CTSC: variants seen among roughly 807,000 people sequenced by gnomAD.
CTSC encodes dipeptidyl peptidase 1.
A neutral mutation model predicts 40.9 loss-of-function variants in CTSC; 37 were observed. The observed-to-expected ratio is 0.91, with a 90% CI of 0.70 to 1.19. The LOEUF (loss-of-function observed/expected upper bound fraction) is 1.19. Ranked by LOEUF, CTSC falls within the 50% of genes most tolerant of loss-of-function variation. CTSC has a pLI of 0.00. For synonymous variants in CTSC, 232 were observed against 207.4 expected (o/e 1.12, Z -1.02); for missense variants, 594 against 567.3 (o/e 1.05, Z -0.48).
chr11:88,306,557 G>C (rs1405224689), intron 4 of CTSC, among the ~76,000 whole-genome samples: 1 of 152,126 alleles, frequency 6.6e-6, no homozygotes, highest in African/African-American at 2.4e-5. Flanking sequence ...CAGCACAGCA[G>C]AAAAGGAGGG....
intron 2 of CTSC, chr11:88,334,634 T>G: frequency 3.1e-6 from 1 of 322,580 alleles, no homozygotes; most frequent in Non-Finnish European, 5.8e-6. Context: ...ATGGCAACAT[T>G]TAGAAATAAA....
At chr11:88,315,598 T>C (rs1207041683) in intron 2 of CTSC, among the ~76,000 whole-genome samples, 1 of 151,630 alleles carries the variant, frequency 6.6e-6, no homozygotes, top group African/African-American at 2.4e-5. Context: ...AGAGATTTCA[T>C]ACTTTATAAA....
At chr11:88,332,190 TTGAG>T (rs1938379622) in intron 2 of CTSC, among the ~76,000 whole-genome samples, 1 of 152,284 alleles carries the variant, frequency 6.6e-6, no homozygotes, top group East Asian at 1.9e-4. Context: ...TGGCAGTAGG[TTGAG>T]TATGTTTTCG....
intron 2 of CTSC, among the ~76,000 whole-genome samples, chr11:88,316,475 C>CTAAATAAATAAATAAATAAATAAATAAA (rs4002985): frequency 1.1e-4 from 16 of 145,022 alleles, no homozygotes; most frequent in African/African-American, 1.5e-4. Context: ...GATCCATTCT[C>CTAAATAAATAAATAAATAAATAAATAAA]TAAATAAATA....
At chr11:88,318,448 C>A (rs1465499031) in intron 2 of CTSC, among the ~76,000 whole-genome samples, 2 of 152,276 alleles carry the variant, frequency 1.3e-5, no homozygotes, top group African/African-American at 4.8e-5. Context: ...ACTAACATTA[C>A]CATCATTACC....
chr11:88,315,502 C>A (rs934268903), intron 2 of CTSC, among the ~76,000 whole-genome samples: 1 of 152,144 alleles, frequency 6.6e-6, no homozygotes, highest in African/African-American at 2.4e-5. Flanking sequence ...GAGAAGACTG[C>A]CTATTTCTAT....
chr11:88,337,300 GAGTTAGA>G (rs1938525298), intron 1 of CTSC, among the ~76,000 whole-genome samples, 194 bp downstream of exon 1: 1 of 152,196 alleles, frequency 6.6e-6, no homozygotes, highest in African/African-American at 2.4e-5. Flanking sequence ...AGAAAGTGTG[GAGTTAGA>G]AGTTCTCAGC....
At chr11:88,312,330 C>T (rs769481370) in intron 3 of CTSC, 58 bp downstream of exon 3, 260 of 1,533,828 alleles carry the variant, frequency 1.7e-4, no homozygotes, top group Middle Eastern at 1.7e-4. Context: ...AATGTACACA[C>T]ATATTCATAT....
chr11:88,305,336 A>G (rs947138367), intron 4 of CTSC, among the ~76,000 whole-genome samples: 1 of 152,170 alleles, frequency 6.6e-6, no homozygotes, highest in African/African-American at 2.4e-5. Flanking sequence ...TTCTTGCACA[A>G]GATCCAAGAG....
intron 2 of CTSC, chr11:88,325,905 C>A: frequency 1.0e-6 from 1 of 989,304 alleles, no homozygotes; most frequent in Non-Finnish European, 1.2e-6. Flanking sequence ...CTTATTTTCT[C>A]CTTACAACAG....
At chr11:88,314,062 T>C (rs1014351439) in intron 2 of CTSC, among the ~76,000 whole-genome samples, 1 of 152,150 alleles carries the variant, frequency 6.6e-6, no homozygotes, top group Non-Finnish European at 1.5e-5. Flanking sequence ...GCTCCAGAGG[T>C]TGTAGTTTGT....
intron 2 of CTSC, chr11:88,324,404 A>AAG: frequency 1.0e-6 from 1 of 983,696 alleles, no homozygotes; most frequent in Non-Finnish European, 1.2e-6. Flanking sequence ...CAATTCTTTT[A>AAG]AAACTCTGCA....
At chr11:88,310,394 T>C (rs1188668456) in intron 3 of CTSC, among the ~76,000 whole-genome samples, 5 of 152,150 alleles carry the variant, frequency 3.3e-5, no homozygotes, top group African/African-American at 9.7e-5. Flanking sequence ...CTAGGAATTA[T>C]AGAACTCACC....
At chr11:88,337,040 C>CA (rs1938514681) in intron 1 of CTSC, among the ~76,000 whole-genome samples, 1 of 131,798 alleles carries the variant, frequency 7.6e-6, no homozygotes. Flanking sequence ...AATCGCTGGG[C>CA]AGAAAGTCCC....
At chr11:88,300,134 A>G (rs749719265) in intron 5 of CTSC, among the ~76,000 whole-genome samples, 1 of 152,178 alleles carries the variant, frequency 6.6e-6, no homozygotes, top group South Asian at 2.1e-4. Context: ...TGACTAAATT[A>G]ATGGGGGTGG....
chr11:88,321,675 TC>T (rs1938017541), intron 2 of CTSC: 1 of 152,236 alleles, frequency 6.6e-6, no homozygotes. Flanking sequence ...CTTTTTCCAG[TC>T]TATCACTGAT....
chr11:88,306,600 C>T (rs905564520), intron 4 of CTSC, among the ~76,000 whole-genome samples: 2 of 152,166 alleles, frequency 1.3e-5, no homozygotes, highest in African/African-American at 4.8e-5. Context: ...AGAACAGGAA[C>T]AAGTGGACTC....
chr11:88,322,795 A>C (rs1938059876), intron 2 of CTSC: 1 of 152,220 alleles, frequency 6.6e-6, no homozygotes, highest in African/African-American at 2.4e-5. Context: ...CTAATGAAAA[A>C]AAGTCCAGGA....
Position 88,294,083 on chromosome 11 carries a change from A to G in CTSC, c.1315T>C (p.Phe439Leu). The G allele has an allele frequency of 6.2e-7, 1 of 1,614,044 alleles. No homozygotes were observed. The highest frequency in any genetic ancestry group is 8.5e-7 in the Non-Finnish European group (1 of 1,180,032). The change falls in exon 7 of 7, where the codon TTC (phenylalanine) becomes CTC (leucine). Residue 439 changes from phenylalanine (F) to leucine (L), a missense_variant. Transcript: ENST00000227266. ...WGTGWGENGYFRIRRGTDECA... is the reference protein window; with the variant it reads ...WGTGWGENGYLRIRRGTDECA... ...TCATCAGTTCCTCTGCGGATCCGGAAGTAGCCATTCTCACCCCAGCCGGTG... is the reference window on the plus strand; with the variant it reads ...TCATCAGTTCCTCTGCGGATCCGGAGGTAGCCATTCTCACCCCAGCCGGTG...
Sources: allele counts gnomAD v4.1 joint callset (sites outside exome capture counted in the v4.1 genomes callset), GRCh38; gene constraint gnomAD v4.1.1; transcripts MANE v1.5; gene names NCBI Gene and HGNC (gene_info 2026-07-23, HGNC 2026-07-21).